Variants in RAD51 observed in about 807,000 individuals in gnomAD.
RAD51 encodes RAD51 recombinase.
A neutral mutation model predicts 41.5 loss-of-function variants in RAD51; 14 were observed. The ratio of observed to expected loss-of-function variants is 0.34; its 90% confidence interval spans 0.22 to 0.53. The LOEUF is 0.53. Among genes scored for constraint, RAD51 ranks in the 20% least tolerant of loss-of-function variants. RAD51 has a pLI of 0.95. For synonymous variants in RAD51, 136 were observed against 148.6 expected (o/e 0.92, Z 0.62); for missense variants, 234 against 422.0 (o/e 0.55, Z 3.90).
Position 40,706,160 on chromosome 15 carries a change from T to C in RAD51, c.226-17T>C, listed in dbSNP as rs1895324778. 6.4e-7 allele frequency: 1 copy of C among 1,574,550 alleles called. No homozygotes were observed. The highest frequency in any genetic ancestry group is 1.3e-5 in the African/African-American group (1 of 74,104). On this transcript the variant is annotated splice_polypyrimidine_tract_variant and intron_variant, in intron 3 of 9. Coordinates refer to ENST00000267868, the MANE Select transcript of RAD51 (RefSeq NM_002875.5). The stretch of plus-strand genomic sequence containing the variant: ...GGAATATTATTTTGTTGATTTAATA[T>C]TTCTTATTTTTCCCAGGCTGAGGCA...
At chr15:40,701,376 CTTTTT>C (rs57054958) in intron 3 of RAD51, among the ~76,000 whole-genome samples, 175 bp downstream of exon 3, 1 of 109,994 alleles carries the variant, frequency 9.1e-6, no homozygotes, top group Non-Finnish European at 1.8e-5. Flanking sequence ...TTTTTTCTTT[CTTTTT>C]TTTTTTTTTT....
intron 1 of RAD51, 21 bp from the exon 2 acceptor site, chr15:40,698,736 A>T (rs373708494): frequency 6.2e-7 from 1 of 1,601,792 alleles, no homozygotes; most frequent in Non-Finnish European, 8.6e-7. Context: ...GTTTATACTG[A>T]TAAGCATTTG....
At chr15:40,722,177 C>T (rs1479640010) in intron 6 of RAD51, among the ~76,000 whole-genome samples, 3 of 151,954 alleles carry the variant, frequency 2.0e-5, no homozygotes, top group Non-Finnish European at 2.9e-5. Flanking sequence ...TTTGGGAGGC[C>T]GAGGCAGGTG....
chr15:40,708,014 CTTTTT>C (rs35792895), intron 4 of RAD51, among the ~76,000 whole-genome samples: 1 of 115,890 alleles, frequency 8.6e-6, no homozygotes, highest in African/African-American at 3.3e-5. Flanking sequence ...CTGTGCCCAG[CTTTTT>C]TTTTTTTTTT....
At chr15:40,699,180 G>C (rs1448546158) in intron 2 of RAD51, among the ~76,000 whole-genome samples, 1 of 152,170 alleles carries the variant, frequency 6.6e-6, no homozygotes, top group Non-Finnish European at 1.5e-5. Context: ...TTTCGCTCTT[G>C]TTGCCCAGGC....
At chr15:40,725,501 A>G (rs1025509474) in intron 6 of RAD51, among the ~76,000 whole-genome samples, 2 of 152,302 alleles carry the variant, frequency 1.3e-5, no homozygotes, top group African/African-American at 2.4e-5. Flanking sequence ...TTACTGATTA[A>G]TTTTTGCCGT....
intron 4 of RAD51, among the ~76,000 whole-genome samples, chr15:40,707,602 TGGCCCCC>T (rs1895432753): frequency 6.6e-6 from 1 of 151,268 alleles, no homozygotes; most frequent in African/African-American, 2.4e-5. Context: ...CCATCATGCC[TGGCCCCC>T]AATGTCAGTT....
At chr15:40,723,503 T>G (rs1258186894) in intron 6 of RAD51, among the ~76,000 whole-genome samples, 2 of 152,146 alleles carry the variant, frequency 1.3e-5, no homozygotes, top group Admixed American at 1.3e-4. Flanking sequence ...AAAAAAGAAC[T>G]TAAGTACTGA....
At chr15:40,706,673 G>T (rs1198608392) in intron 4 of RAD51, among the ~76,000 whole-genome samples, 1 of 152,134 alleles carries the variant, frequency 6.6e-6, no homozygotes, top group African/African-American at 2.4e-5. Flanking sequence ...CTGCACTCCA[G>T]CCTGGGTGAC....
chr15:40,700,244 G>T (rs1894897042), intron 2 of RAD51, among the ~76,000 whole-genome samples: 1 of 152,182 alleles, frequency 6.6e-6, no homozygotes, highest in South Asian at 2.1e-4. Context: ...AAGCTGACTT[G>T]AATATAGGAA....
At chr15:40,699,901 C>G (rs1346126651) in intron 2 of RAD51, among the ~76,000 whole-genome samples, 2 of 151,966 alleles carry the variant, frequency 1.3e-5, no homozygotes, top group African/African-American at 4.8e-5. Context: ...AGACTTGATT[C>G]TTCTGTCTCT....
intron 5 of RAD51, among the ~76,000 whole-genome samples, chr15:40,709,890 C>T (rs180746071): frequency 2.0e-5 from 3 of 152,030 alleles, no homozygotes; most frequent in Admixed American, 2.0e-4. Context: ...AGGCCAGGCA[C>T]GGTGGCTCAC....
At chr15:40,700,062 G>A (rs1366441716) in intron 2 of RAD51, among the ~76,000 whole-genome samples, 1 of 152,138 alleles carries the variant, frequency 6.6e-6, no homozygotes, top group African/African-American at 2.4e-5. Context: ...GGTGCCATGA[G>A]CATCCTTATA....
chr15:40,706,858 G>A (rs1376943518), intron 4 of RAD51, among the ~76,000 whole-genome samples: 1 of 152,168 alleles, frequency 6.6e-6, no homozygotes, highest in Admixed American at 6.6e-5. Context: ...GCTTAAGGAG[G>A]TAACTGTAAT....
intron 6 of RAD51, among the ~76,000 whole-genome samples, chr15:40,726,732 G>A (rs1896603465): frequency 6.6e-6 from 1 of 151,748 alleles, no homozygotes; most frequent in Admixed American, 6.6e-5. Context: ...GGCTAACATG[G>A]TGAAACCCCG....
At chr15:40,718,579 C>G (rs1896105853) in intron 5 of RAD51, among the ~76,000 whole-genome samples, 1 of 151,830 alleles carries the variant, frequency 6.6e-6, no homozygotes, top group Non-Finnish European at 1.5e-5. Flanking sequence ...CTAAGCAGTC[C>G]AGTTCTGACA....
chr15:40,713,022 G>T (rs1895787288), intron 5 of RAD51, among the ~76,000 whole-genome samples: 1 of 150,810 alleles, frequency 6.6e-6, no homozygotes, highest in African/African-American at 2.4e-5. Context: ...GGGATTACAG[G>T]CATGACGGCC....
At chr15:40,711,205 G>T (rs1895689481) in intron 5 of RAD51, among the ~76,000 whole-genome samples, 1 of 152,044 alleles carries the variant, frequency 6.6e-6, no homozygotes, top group Non-Finnish European at 1.5e-5. Context: ...GACCAGCCTG[G>T]GCAACATAGT....
chr15:40,699,555 G>C (rs1477592941), intron 2 of RAD51, among the ~76,000 whole-genome samples: 2 of 152,228 alleles, frequency 1.3e-5, no homozygotes, highest in African/African-American at 4.8e-5. Flanking sequence ...CAAACTGCTA[G>C]GATTACAGGC....
Sources: gnomAD v4.1 joint callset for allele counts (sites outside exome capture counted in the v4.1 genomes callset) on GRCh38, gnomAD v4.1.1 for gene constraint, MANE v1.5 for transcripts, NCBI Gene and HGNC (gene_info 2026-07-23, HGNC 2026-07-21) for gene names.